The following NWD2 variants were observed in gnomAD, a reference collection of about 807,000 sequenced individuals.
NWD2 encodes NACHT and WD repeat domain-containing protein 2.
A neutral mutation model predicts 132.7 loss-of-function variants in NWD2; 37 were observed. The observed-to-expected ratio is 0.28, with a 90% confidence interval of 0.21 to 0.37. The LOEUF (loss-of-function observed/expected upper bound fraction) is 0.37. NWD2 is among the 10% of genes least tolerant of loss of function. The pLI is 1.00. For missense variants in NWD2, 1,592 were observed against 2,122.4 expected (o/e 0.75, Z 4.91); for synonymous variants, 705 against 803.0 (o/e 0.88, Z 2.06).
chr4:37,333,291 C>T (rs1311146191), intron 2 of NWD2, among the ~76,000 whole-genome samples: 2 of 152,164 alleles, frequency 1.3e-5, no homozygotes, highest in Non-Finnish European at 2.9e-5. Context: ...ATGGGACTCA[C>T]TGCTGTGATG....
At chr4:37,251,993 T>C (rs1198841449) in intron 1 of NWD2, among the ~76,000 whole-genome samples, 1 of 152,170 alleles carries the variant, frequency 6.6e-6, no homozygotes, top group East Asian at 1.9e-4. Context: ...ACTGTGCTAA[T>C]GATATGAACG....
intron 2 of NWD2, among the ~76,000 whole-genome samples, chr4:37,334,834 A>G (rs1486697796): frequency 6.6e-6 from 1 of 152,158 alleles, no homozygotes; most frequent in Non-Finnish European, 1.5e-5. Context: ...CACAAAGTTC[A>G]TAAACCTCCT....
At chr4:37,272,955 G>A (rs1717904327) in intron 1 of NWD2, among the ~76,000 whole-genome samples, 1 of 151,772 alleles carries the variant, frequency 6.6e-6, no homozygotes, top group Non-Finnish European at 1.5e-5. Context: ...ATTAGGTGAT[G>A]TGCTCTCTAA....
chr4:37,263,007 G>A (rs956237513), intron 1 of NWD2, among the ~76,000 whole-genome samples: 7 of 152,118 alleles, frequency 4.6e-5, no homozygotes, highest in African/African-American at 1.2e-4. Flanking sequence ...AGTTCATGGA[G>A]CCGAGACCAC....
rs1212597433 is a variant in NWD2 at position 37,430,444 on chromosome 4, G to A, written c.358-128G>A. The A allele has an allele frequency of 1.7e-5, 12 of 694,772 alleles. No homozygotes were observed. The East Asian group carries it at 3.0e-4, about 17-fold the overall frequency. The allele number at this position is 694,772 out of a possible 1,614,324, so 43.0% of individuals were successfully genotyped here. On this transcript the variant is annotated intron_variant, in intron 3 of 6. Transcript: ENST00000309447. ...AATCAACTATCCACTGTGACCAAAA[G>A]AGAAAACTGATGGAGCAATGTATCT...
chr4:37,342,563 G>A (rs142388423), intron 2 of NWD2, among the ~76,000 whole-genome samples: 1,932 of 152,278 alleles, frequency 0.013, 31 homozygotes, highest in African/African-American at 0.044. Flanking sequence ...CCTTTATGCA[G>A]TGAATTTTTC....
chr4:37,256,532 C>A (rs1717523074), intron 1 of NWD2, among the ~76,000 whole-genome samples: 2 of 152,076 alleles, frequency 1.3e-5, no homozygotes, highest in Admixed American at 6.6e-5. Context: ...TTCTAGAAGA[C>A]TCTAATTAAA....
chr4:37,321,859 T>A (rs1435225178), intron 1 of NWD2, among the ~76,000 whole-genome samples: 2 of 152,226 alleles, frequency 1.3e-5, no homozygotes, highest in Non-Finnish European at 1.5e-5. Context: ...ATTGGATATG[T>A]GTATATGCTT....
intron 2 of NWD2, among the ~76,000 whole-genome samples, chr4:37,355,079 A>G (rs1719845999): frequency 6.6e-6 from 1 of 152,202 alleles, no homozygotes. Context: ...CATGAGAGCC[A>G]GTATGGGGCT....
chr4:37,413,231 G>C (rs1005905545), intron 3 of NWD2, among the ~76,000 whole-genome samples: 7 of 152,106 alleles, frequency 4.6e-5, no homozygotes, highest in Non-Finnish European at 8.8e-5. Flanking sequence ...ATCTGACAAA[G>C]GGCTAATATC....
Position 37,391,946 on chromosome 4 carries a change from G to C in NWD2, c.357+35464G>C, listed in dbSNP as rs140525435. Among the ~76,000 whole-genome samples the C allele has an allele frequency of 6.2e-4, 94 of 152,328 alleles. No individual in the cohort carries two copies. The East Asian group carries it at 0.018, about 28-fold the overall frequency. On this transcript the variant is annotated intron_variant, in intron 3 of 6. Coordinates refer to ENST00000309447, the MANE Select transcript of NWD2 (RefSeq NM_001144990.2). ...GGGCTGGGCACGGTGGCTCATGCCT[G>C]TCATCCCAGCACTTTGGGAGGCGGA...
chr4:37,282,443 C>T (rs1426242970), intron 1 of NWD2, among the ~76,000 whole-genome samples: 2 of 152,072 alleles, frequency 1.3e-5, no homozygotes, highest in Admixed American at 6.6e-5. Context: ...ACTATTTTTG[C>T]ACAGTAAATA....
At chr4:37,407,242 A>G (rs978872552) in intron 3 of NWD2, among the ~76,000 whole-genome samples, 2 of 152,326 alleles carry the variant, frequency 1.3e-5, no homozygotes, top group Admixed American at 1.3e-4. Flanking sequence ...ATGAACCTGA[A>G]CATAACTAAG....
chr4:37,323,857 C>CA (rs33925291), intron 1 of NWD2, among the ~76,000 whole-genome samples: 106,754 of 146,754 alleles, frequency 0.73, 39,055 homozygotes, highest in Non-Finnish European at 0.8. Context: ...ACTACACAGC[C>CA]AAAAAAAAAA....
At chr4:37,383,973 T>C (rs960104848) in intron 3 of NWD2, among the ~76,000 whole-genome samples, 2 of 152,168 alleles carry the variant, frequency 1.3e-5, no homozygotes, top group African/African-American at 2.4e-5. Context: ...AATTTTTTTA[T>C]AGTTAAATAA....
intron 1 of NWD2, among the ~76,000 whole-genome samples, chr4:37,309,923 G>A (rs1252434081): frequency 6.6e-6 from 1 of 152,180 alleles, no homozygotes; most frequent in Non-Finnish European, 1.5e-5. Context: ...TTGTGTGAAG[G>A]AAGCAGGCTC....
At chr4:37,340,627 G>T (rs1031415381) in intron 2 of NWD2, among the ~76,000 whole-genome samples, 1 of 152,312 alleles carries the variant, frequency 6.6e-6, no homozygotes, top group Non-Finnish European at 1.5e-5. Flanking sequence ...CATCAAGAAG[G>T]CCTGTGGAGG....
intron 3 of NWD2, among the ~76,000 whole-genome samples, chr4:37,362,954 CA>C (rs35124838): frequency 6.6e-6 from 1 of 151,894 alleles, no homozygotes; most frequent in Non-Finnish European, 1.5e-5. Flanking sequence ...GGAACTTAAA[CA>C]ATGGAAGAAG....
chr4:37,295,665 G>C (rs907506114), intron 1 of NWD2, among the ~76,000 whole-genome samples: 1 of 152,052 alleles, frequency 6.6e-6, no homozygotes, highest in Non-Finnish European at 1.5e-5. Context: ...CCATAACTTC[G>C]TCTCCTACCC....
Sources: allele counts gnomAD v4.1 joint callset (sites outside exome capture counted in the v4.1 genomes callset), GRCh38; gene constraint gnomAD v4.1.1; transcripts MANE v1.5; gene names NCBI Gene and HGNC (gene_info 2026-07-23, HGNC 2026-07-21).